The following CDH13 variants were observed in gnomAD, a reference collection of about 807,000 sequenced individuals.
CDH13 encodes the protein cadherin-13.
A neutral mutation model predicts 63.8 loss-of-function variants in CDH13; 24 were observed. The ratio of observed to expected loss-of-function variants is 0.38; its 90% CI spans 0.27 to 0.53. The LOEUF is 0.53. CDH13 is among the 20% of genes least tolerant of loss of function. The pLI, the probability that CDH13 is intolerant of heterozygous loss-of-function variation, is 0.85. For synonymous variants in CDH13, 503 were observed against 355.3 expected, an observed-to-expected ratio of 1.42 and a Z score of -4.67; for missense variants, 1,049 against 903.1, an observed-to-expected ratio of 1.16 and a Z score of -2.07.
chr16:83,299,377 C>G (rs1289527832), intron 5 of CDH13, among the ~76,000 whole-genome samples: 2 of 152,044 alleles, frequency 1.3e-5, no homozygotes, highest in Non-Finnish European at 2.9e-5. Flanking sequence ...AACTTTCTGG[C>G]TCATGTCACA....
chr16:82,672,563 TC>T (rs1300041619), intron 1 of CDH13, among the ~76,000 whole-genome samples: 1 of 152,074 alleles, frequency 6.6e-6, no homozygotes, highest in Non-Finnish European at 1.5e-5. Flanking sequence ...TCTTCTCTGA[TC>T]CTTTCGCACC....
At chr16:82,715,006 A>T (rs1486132990) in intron 1 of CDH13, among the ~76,000 whole-genome samples, 1 of 139,696 alleles carries the variant, frequency 7.2e-6, no homozygotes, top group Non-Finnish European at 1.5e-5. Context: ...ATCCGTAGGA[A>T]ACTAATACAA....
chr16:83,521,407 G>A (rs895742861), intron 7 of CDH13, among the ~76,000 whole-genome samples: 1 of 152,006 alleles, frequency 6.6e-6, no homozygotes, highest in Non-Finnish European at 1.5e-5. Flanking sequence ...TGCTAATAGA[G>A]TAGTAGCGGC....
At chr16:82,904,267 G>C (rs922341791) in intron 2 of CDH13, among the ~76,000 whole-genome samples, 1 of 152,150 alleles carries the variant, frequency 6.6e-6, no homozygotes, top group South Asian at 2.1e-4. Flanking sequence ...CCTCAGGTCT[G>C]CACAGAACGG....
intron 4 of CDH13, among the ~76,000 whole-genome samples, chr16:83,207,513 T>C (rs890581083): frequency 1.3e-5 from 2 of 152,232 alleles, no homozygotes; most frequent in African/African-American, 4.8e-5. Flanking sequence ...ATACACTTTT[T>C]TAAATCCATT....
At chr16:83,252,330 G>A (rs1905678542) in intron 5 of CDH13, among the ~76,000 whole-genome samples, 1 of 146,700 alleles carries the variant, frequency 6.8e-6, no homozygotes, top group African/African-American at 2.5e-5. Flanking sequence ...TAGGGTACAT[G>A]TGCATCTTTA....
chr16:83,121,352 A>C (rs1483128281), intron 3 of CDH13, among the ~76,000 whole-genome samples: 1 of 152,212 alleles, frequency 6.6e-6, no homozygotes, highest in Non-Finnish European at 1.5e-5. Context: ...TCTGCTAGCT[A>C]GGTAAATTGG....
intron 1 of CDH13, among the ~76,000 whole-genome samples, chr16:82,658,486 AAG>A (rs1431859674): frequency 6.6e-6 from 1 of 152,216 alleles, no homozygotes; most frequent in Non-Finnish European, 1.5e-5. Flanking sequence ...TACCTGTCTC[AAG>A]AGAGAAAGTA....
chr16:83,727,941 T>C (rs1262788565), intron 10 of CDH13, among the ~76,000 whole-genome samples: 3 of 152,178 alleles, frequency 2.0e-5, no homozygotes, highest in African/African-American at 7.2e-5. Context: ...AGTATCAAGT[T>C]TGACTGATGG....
intron 8 of CDH13, among the ~76,000 whole-genome samples, chr16:83,629,805 C>A (rs1022555953): frequency 1.3e-5 from 2 of 152,184 alleles, no homozygotes; most frequent in African/African-American, 4.8e-5. Context: ...TTGGAAAACT[C>A]CTTGGCCATC....
intron 6 of CDH13, among the ~76,000 whole-genome samples, chr16:83,444,623 G>C (rs1363971446): frequency 6.6e-6 from 1 of 152,136 alleles, no homozygotes; most frequent in Non-Finnish European, 1.5e-5. Flanking sequence ...GGAATTTTCA[G>C]GGCCATCATT....
At chr16:83,051,779 A>G (rs1173344296) in intron 3 of CDH13, among the ~76,000 whole-genome samples, 1 of 152,040 alleles carries the variant, frequency 6.6e-6, no homozygotes, top group African/African-American at 2.4e-5. Flanking sequence ...CCATCACATT[A>G]TTTGTTGTCT....
intron 4 of CDH13, among the ~76,000 whole-genome samples, chr16:83,208,982 A>G (rs1368258077): frequency 6.6e-6 from 1 of 152,128 alleles, no homozygotes; most frequent in Non-Finnish European, 1.5e-5. Context: ...ACTCCTAAGC[A>G]TTACCACTGC....
chr16:82,742,166 A>T (rs1055127744), intron 1 of CDH13, among the ~76,000 whole-genome samples: 1 of 152,320 alleles, frequency 6.6e-6, no homozygotes, highest in African/African-American at 2.4e-5. Flanking sequence ...AGAAATTAAG[A>T]GCACAAGAAA....
intron 1 of CDH13, among the ~76,000 whole-genome samples, chr16:82,662,878 A>G (rs1006670697): frequency 6.7e-6 from 1 of 148,210 alleles, no homozygotes; most frequent in African/African-American, 2.5e-5. Flanking sequence ...TTGCGTGGGC[A>G]TGCCTGTGTG....
intron 1 of CDH13, among the ~76,000 whole-genome samples, chr16:82,790,650 G>T (rs2036254640): frequency 6.6e-6 from 1 of 152,266 alleles, no homozygotes; most frequent in African/African-American, 2.4e-5. Flanking sequence ...AAAGGAAAGA[G>T]GTTTAATTGA....
intron 1 of CDH13, among the ~76,000 whole-genome samples, chr16:82,855,685 A>G (rs2039653729): frequency 6.6e-6 from 1 of 152,192 alleles, no homozygotes; most frequent in Admixed American, 6.5e-5. Context: ...ATGATTCACA[A>G]GCGGAACCGT....
chr16:82,961,700 G>T (rs1033228373), intron 2 of CDH13, among the ~76,000 whole-genome samples: 1 of 151,932 alleles, frequency 6.6e-6, no homozygotes, highest in Non-Finnish European at 1.5e-5. Context: ...CCAACGTACA[G>T]CCAGGAATGA....
chr16:83,197,211 T>A (rs1020328866), intron 4 of CDH13, among the ~76,000 whole-genome samples: 7 of 152,148 alleles, frequency 4.6e-5, no homozygotes, highest in Non-Finnish European at 1.0e-4. Context: ...TGATTCCATT[T>A]ATATGATATT....
Sources: gnomAD v4.1 joint callset for allele counts (sites outside exome capture counted in the v4.1 genomes callset) on GRCh38, gnomAD v4.1.1 for gene constraint, MANE v1.5 for transcripts, NCBI Gene and HGNC (gene_info 2026-07-23, HGNC 2026-07-21) for gene names.